The following PRCP variants were observed in gnomAD, a reference collection of about 807,000 sequenced individuals.
The protein encoded by PRCP is prolylcarboxypeptidase.
A neutral mutation model predicts 54.2 loss-of-function variants in PRCP; 46 were observed. The observed-to-expected ratio is 0.85, with a 90% CI of 0.67 to 1.09. PRCP has a LOEUF of 1.09. Ranked by LOEUF, PRCP falls within the 50% of genes least tolerant of loss-of-function variation. The probability of loss-of-function intolerance (pLI) is 0.00; values close to 1 mark genes in which losing one functional copy is unlikely to be tolerated. For missense variants in PRCP, 613 were observed against 596.8 expected (o/e 1.03, Z -0.28); for synonymous variants, 240 against 212.2 (o/e 1.13, Z -1.14).
At chr11:82,839,781 C>A in intron 6 of PRCP, 1 of 232,324 alleles carries the variant, frequency 4.3e-6, no homozygotes, top group Non-Finnish European at 8.4e-6. Context: ...TGTTTTCCAA[C>A]TCCTCTCCCA....
chr11:82,879,239 C>T (rs1428674844), intron 1 of PRCP, among the ~76,000 whole-genome samples: 9 of 152,180 alleles, frequency 5.9e-5, no homozygotes, highest in African/African-American at 2.2e-4. Flanking sequence ...TTTCTTTTTA[C>T]TCTTTTTTCT....
intron 1 of PRCP, among the ~76,000 whole-genome samples, chr11:82,863,668 T>G (rs1000472822): frequency 2.0e-5 from 3 of 152,226 alleles, no homozygotes; most frequent in African/African-American, 7.2e-5. Context: ...TTTTCAGATT[T>G]GAAAACATGG....
intron 1 of PRCP, among the ~76,000 whole-genome samples, chr11:82,881,461 C>A (rs7102476): frequency 0.11 from 17,363 of 152,086 alleles, 1,742 homozygotes; most frequent in African/African-American, 0.27. Flanking sequence ...GGTAGGACAG[C>A]CCCCGCTGGG....
At chr11:82,826,263 TG>T (rs1858231454) in intron 8 of PRCP, 1 of 152,258 alleles carries the variant, frequency 6.6e-6, no homozygotes, top group Non-Finnish European at 1.5e-5. Flanking sequence ...CTCAGCGTAA[TG>T]TTTTCAAGTT....
In PRCP at chr11:82,839,303, C is replaced by A. The variant is rs1043868636; in HGVS notation, c.1044G>T (p.Glu348Asp). The A allele has an allele frequency of 2.5e-6, 4 of 1,614,002 alleles. No homozygotes were observed. Among genetic ancestry groups the A allele is most frequent in the Admixed American group, 1.7e-5 (1 of 60,012 alleles). ...SGQVKCLNIS[E>D]TATSSLGTLG... ...GTGTTCCCAGACTGCTAGTTGCTGT[C>A]TCTGAAATATTCAGGCATTTCACCT... Residue 348 changes from glutamate (E) to aspartate (D), a missense_variant, in exon 7 of 9, where the codon GAG becomes GAT. By Grantham distance (45) the Glu-to-Asp change is conservative. Coordinates refer to ENST00000313010, the MANE Select transcript of PRCP (RefSeq NM_005040.4).
intron 1 of PRCP, among the ~76,000 whole-genome samples, chr11:82,867,466 C>G (rs1046119572): frequency 2.6e-5 from 4 of 152,124 alleles, no homozygotes; most frequent in South Asian, 2.1e-4. Context: ...CATGTTTTGA[C>G]AAATAACAGT....
intron 1 of PRCP, among the ~76,000 whole-genome samples, chr11:82,872,823 T>C (rs1242907064): frequency 6.6e-6 from 1 of 151,964 alleles, no homozygotes; most frequent in Admixed American, 6.6e-5. Flanking sequence ...TCTATGGAGG[T>C]GGCAATGGAA....
intron 1 of PRCP, among the ~76,000 whole-genome samples, chr11:82,894,899 G>T (rs990697860): frequency 2.6e-5 from 4 of 152,010 alleles, no homozygotes; most frequent in Non-Finnish European, 4.4e-5. Flanking sequence ...ACTTAAAATA[G>T]CATAGAAAGA....
intron 6 of PRCP, among the ~76,000 whole-genome samples, chr11:82,845,459 G>A (rs1028808840): frequency 3.3e-5 from 5 of 151,938 alleles, no homozygotes; most frequent in Admixed American, 3.3e-4. Flanking sequence ...GGATTAAGCA[G>A]ATACATTCAG....
chr11:82,827,839 CTG>C (rs1165271468), intron 8 of PRCP: 1 of 152,100 alleles, frequency 6.6e-6, no homozygotes, highest in African/African-American at 2.4e-5. Context: ...CACGTTGAAT[CTG>C]TGGATCAACT....
intron 8 of PRCP, 33 bp from the exon 9 acceptor site, chr11:82,825,155 T>G: frequency 6.4e-7 from 1 of 1,556,944 alleles, no homozygotes. Context: ...AAAATAAAGT[T>G]GTTAGTTTTT....
intron 8 of PRCP, among the ~76,000 whole-genome samples, chr11:82,833,382 AG>A (rs1049425787): frequency 1.3e-5 from 2 of 152,232 alleles, no homozygotes; most frequent in African/African-American, 2.4e-5. Flanking sequence ...AGGATGAGAA[AG>A]GACATTCAGG....
chr11:82,900,905 A>AGG, upstream of PRCP: 2 of 455,744 alleles, frequency 4.4e-6, no homozygotes, highest in South Asian at 3.1e-5. Context: ...GGTTCACTAC[A>AGG]GGCCAGTGTA....
chr11:82,844,297 C>G (rs1858747702), intron 6 of PRCP, among the ~76,000 whole-genome samples: 1 of 152,090 alleles, frequency 6.6e-6, no homozygotes, highest in Non-Finnish European at 1.5e-5. Context: ...AATACAGACT[C>G]TAGTAATCCC....
intron 1 of PRCP, among the ~76,000 whole-genome samples, chr11:82,867,855 G>GT (rs1859378904): frequency 6.6e-6 from 1 of 152,096 alleles, no homozygotes. Context: ...GAGAGTAGCT[G>GT]TAACTAAAGG....
intron 7 of PRCP, 118 bp from the exon 8 acceptor site, chr11:82,838,692 G>A: frequency 1.0e-6 from 1 of 959,772 alleles, no homozygotes; most frequent in Non-Finnish European, 1.5e-6. Context: ...CTCAGGCAAG[G>A]CAGCTTCAAC....
At chr11:82,850,151 A>T in intron 4 of PRCP, 80 bp from the exon 5 acceptor site, 1 of 898,754 alleles carries the variant, frequency 1.1e-6, no homozygotes, top group Non-Finnish European at 1.5e-6. Context: ...ATCTAAATCA[A>T]GTTTTAAAGT....
Position 82,880,045 on chromosome 11 carries a change from C to T in PRCP, c.169-19928G>A, listed in dbSNP as rs150893834. 7.9e-5 allele frequency among the ~76,000 whole-genome samples: 12 copies of T among 152,304 alleles called. No homozygotes were observed. In the East Asian group the frequency reaches 2.3e-3, roughly 29 times the overall value. ...ATCTCAAACTCCATGCTGGGAGAACCACTACTCTCTTCAAAGCTGTCAGAC... is the reference window on the plus strand; with the variant it reads ...ATCTCAAACTCCATGCTGGGAGAACTACTACTCTCTTCAAAGCTGTCAGAC... On this transcript the variant is annotated intron_variant, in intron 1 of 8. Coordinates refer to ENST00000313010, the MANE Select transcript of PRCP (RefSeq NM_005040.4).
At chr11:82,843,539 T>G (rs1037729932) in intron 6 of PRCP, among the ~76,000 whole-genome samples, 1 of 143,808 alleles carries the variant, frequency 7.0e-6, no homozygotes, top group African/African-American at 2.6e-5. Context: ...GCACTTGGCC[T>G]GTTGATTGTT....
Sources: allele counts gnomAD v4.1 joint callset (sites outside exome capture counted in the v4.1 genomes callset), GRCh38; gene constraint gnomAD v4.1.1; transcripts MANE v1.5; gene names NCBI Gene and HGNC (gene_info 2026-07-23, HGNC 2026-07-21).